The following FBXW11 variants were observed in gnomAD, a reference collection of about 807,000 sequenced individuals.
FBXW11 encodes F-box/WD repeat-containing protein 11.
In FBXW11, 19 loss-of-function variants were observed where a neutral mutation model predicts 77.6. The ratio of observed to expected loss-of-function variants is 0.24; its 90% CI spans 0.17 to 0.36. FBXW11 has a LOEUF of 0.36. FBXW11 is among the 10% of genes least tolerant of loss of function. The pLI is 1.00. For missense variants in FBXW11, 334 were observed against 704.2 expected (o/e 0.47, Z 5.95); for synonymous variants, 235 against 249.4 (o/e 0.94, Z 0.54).
At chr5:171,960,678 T>C (rs1763862231) in intron 1 of FBXW11, among the ~76,000 whole-genome samples, 3 of 152,214 alleles carry the variant, frequency 2.0e-5, no homozygotes, top group African/African-American at 4.8e-5. Flanking sequence ...CTCGCACTGC[T>C]AATTTTAGAT....
At chr5:171,954,784 TTTC>T (rs1245580894) in intron 2 of FBXW11, among the ~76,000 whole-genome samples, 2 of 152,182 alleles carry the variant, frequency 1.3e-5, no homozygotes, top group Non-Finnish European at 2.9e-5. Flanking sequence ...TTGGCAGGTT[TTTC>T]TTTTCTTATT....
intron 1 of FBXW11, among the ~76,000 whole-genome samples, chr5:171,982,758 G>GT (rs1165904971): frequency 2.6e-5 from 4 of 152,022 alleles, no homozygotes; most frequent in Non-Finnish European, 5.9e-5. Flanking sequence ...ATAATGTTAG[G>GT]TAAGTTAGGC....
At chr5:171,948,942 T>C (rs1418595944) in intron 2 of FBXW11, among the ~76,000 whole-genome samples, 2 of 152,248 alleles carry the variant, frequency 1.3e-5, no homozygotes, top group African/African-American at 4.8e-5. Context: ...GCTAGTACTA[T>C]ATGCAGGCAT....
At chr5:171,950,782 G>A (rs543482755) in intron 2 of FBXW11, among the ~76,000 whole-genome samples, 73 of 152,280 alleles carry the variant, frequency 4.8e-4, no homozygotes, top group Non-Finnish European at 9.3e-4. Flanking sequence ...ACCTATTCAG[G>A]AGGCTGAGGC....
chr5:171,997,536 C>T (rs984462302), intron 1 of FBXW11, among the ~76,000 whole-genome samples: 3 of 152,196 alleles, frequency 2.0e-5, no homozygotes, highest in African/African-American at 7.2e-5. Context: ...TATAAGACAT[C>T]ATATCTACAT....
intron 4 of FBXW11, among the ~76,000 whole-genome samples, chr5:171,909,945 T>C (rs1760775913): frequency 6.6e-6 from 1 of 152,186 alleles, no homozygotes; most frequent in Non-Finnish European, 1.5e-5. Flanking sequence ...GTACCAGTTT[T>C]TTTAAAATTA....
At chr5:171,936,372 T>C (rs1462170358) in intron 2 of FBXW11, among the ~76,000 whole-genome samples, 3 of 151,340 alleles carry the variant, frequency 2.0e-5, no homozygotes, top group African/African-American at 7.3e-5. Context: ...GCACCTGTAG[T>C]CCCAGTGACT....
At chr5:171,992,998 G>C (rs1033103840) in intron 1 of FBXW11, among the ~76,000 whole-genome samples, 1 of 151,964 alleles carries the variant, frequency 6.6e-6, no homozygotes, top group African/African-American at 2.4e-5. Flanking sequence ...TCCCAAACCT[G>C]TAAGTCAAGT....
chr5:171,914,466 C>A, intron 2 of FBXW11, 61 bp from the exon 3 acceptor site: 1 of 1,411,234 alleles, frequency 7.1e-7, no homozygotes. Context: ...TAAATAACTA[C>A]AATAAATAAT....
chr5:171,981,056 G>A lies in FBXW11; in HGVS notation c.46-23358C>T, dbSNP rs376342230. 1.2e-4 allele frequency among the ~76,000 whole-genome samples: 19 copies of A among 152,166 alleles called. No individual in the cohort carries two copies. In the East Asian group the frequency reaches 2.7e-3, roughly 22 times the overall value. ...CGGGAAAAGGAAAGGGACTGGAGAC[G>A]GGAGAGGAGCTAGGAATTGAGTTAA... On this transcript the variant is annotated intron_variant, in intron 1 of 13. Transcript: ENST00000517395.
intron 1 of FBXW11, chr5:171,996,774 CTAATA>C: frequency 1.5e-6 from 1 of 686,448 alleles, no homozygotes; most frequent in Non-Finnish European, 2.1e-6. Context: ...GCACAAACGT[CTAATA>C]TTTCTCCCTT....
intron 1 of FBXW11, among the ~76,000 whole-genome samples, chr5:171,980,238 T>C (rs1277455612): frequency 6.6e-6 from 1 of 152,228 alleles, no homozygotes; most frequent in Non-Finnish European, 1.5e-5. Flanking sequence ...TATTCCTAAC[T>C]AGATGGGGAG....
rs778952501 is a variant in FBXW11, at chr5:171,891,554, C to G, written c.765G>C (p.Gln255His). 1.4e-5 allele frequency: 23 copies of G among 1,611,468 alleles called. No individual in the cohort carries two copies. The highest frequency in any genetic ancestry group is 1.4e-5 in the Non-Finnish European group (17 of 1,179,164). The change falls in exon 7 of 14, where the codon CAG becomes CAC. Residue 255 changes from glutamine to histidine, a missense_variant. Around this residue, in one of 10 missense-constraint regions of FBXW11, gnomAD observed 70 missense variants for 136.6 expected, o/e 0.51. Transcript: ENST00000517395. ...CACCTTTACTATTTTCAGAGCGGCA[C>G]TGAATCCTCTGCAAGTTGTGTCGTC... ...RCGRHNLQRI[Q>H]CRSENSKGVY...
intron 2 of FBXW11, among the ~76,000 whole-genome samples, chr5:171,940,920 G>A (rs1198448598): frequency 6.7e-6 from 1 of 148,516 alleles, no homozygotes; most frequent in Non-Finnish European, 1.5e-5. Context: ...ACCTGAAAAG[G>A]CACCCACTGC....
intron 4 of FBXW11, among the ~76,000 whole-genome samples, chr5:171,905,595 C>CCG (rs1760445072): frequency 4.9e-5 from 5 of 101,136 alleles, no homozygotes; most frequent in Non-Finnish European, 1.3e-4. Context: ...GCTAACCCCC[C>CCG]CCCCTTTATT....
intron 1 of FBXW11, among the ~76,000 whole-genome samples, chr5:171,991,829 G>C (rs1399681457): frequency 3.3e-5 from 5 of 152,020 alleles, no homozygotes; most frequent in Admixed American, 3.3e-4. Context: ...AAAAGGAGAG[G>C]GTGTGGCCGG....
rs1192771354 is a variant in FBXW11, at chr5:171,972,550, C to CT, written c.46-14853dup. Reference sequence around the variant, plus strand: ...AAAAGTTAAAACTATAGGACTAAAACTTTTTTTTTTTTGAGACAGAGCCTC... The same window carrying CT: ...AAAAGTTAAAACTATAGGACTAAAACTTTTTTTTTTTTTGAGACAGAGCCTC... On this transcript the variant is annotated intron_variant, in intron 1 of 13. Transcript: ENST00000517395. Among the ~76,000 whole-genome samples the CT allele has an allele frequency of 3.6e-3, 375 of 105,134 alleles. 7 individuals are homozygous for CT. In the East Asian group the frequency reaches 0.069, roughly 19 times the overall value. 69.0% of individuals were successfully genotyped at this position (105,134 alleles called of 152,430 possible).
chr5:171,916,980 G>A (rs146431976), intron 2 of FBXW11, among the ~76,000 whole-genome samples: 1 of 152,252 alleles, frequency 6.6e-6, no homozygotes, highest in African/African-American at 2.4e-5. Flanking sequence ...GAGTGCAACG[G>A]TGTGATCTCA....
intron 7 of FBXW11, among the ~76,000 whole-genome samples, chr5:171,887,293 C>G (rs1758973363): frequency 6.6e-6 from 1 of 152,046 alleles, no homozygotes; most frequent in Non-Finnish European, 1.5e-5. Flanking sequence ...ATATAGGAAA[C>G]CAACAGAACA....
Sources: gnomAD v4.1 joint callset for allele counts (sites outside exome capture counted in the v4.1 genomes callset) on GRCh38, gnomAD v4.1.1 for gene constraint, gnomAD v4.1.1 regional missense constraint, MANE v1.5 for transcripts, NCBI Gene and HGNC (gene_info 2026-07-23, HGNC 2026-07-21) for gene names.